Variants in ACTN4 observed in about 807,000 individuals in gnomAD.
ACTN4 encodes alpha-actinin-4.
A neutral mutation model predicts 114.2 loss-of-function variants in ACTN4; 18 were observed. That is an observed-to-expected ratio of 0.16 (90% CI 0.11 to 0.23). The LOEUF (loss-of-function observed/expected upper bound fraction) is 0.23, where lower values mean the gene tolerates loss of function less well. Ranked by LOEUF, ACTN4 falls within the 10% of genes least tolerant of loss-of-function variation. The pLI, the probability that ACTN4 is intolerant of heterozygous loss-of-function variation, is 1.00. For missense variants in ACTN4, 722 were observed against 1,262.9 expected (o/e 0.57, Z 6.49); for synonymous variants, 515 against 506.3 (o/e 1.02, Z -0.23).
At chr19:38,714,413 G>A (rs1051136369) in intron 8 of ACTN4, 56 bp from the exon 9 acceptor site, 111 of 1,554,116 alleles carry the variant, frequency 7.1e-5, no homozygotes, top group South Asian at 2.2e-4. Context: ...GGACGTGCCC[G>A]TCAGGAGGGA....
intron 1 of ACTN4, among the ~76,000 whole-genome samples, chr19:38,666,986 C>A (rs1480290623): frequency 6.6e-6 from 1 of 152,128 alleles, no homozygotes; most frequent in African/African-American, 2.4e-5. Context: ...CCAGGTCTTT[C>A]AAATTGCTAA....
chr19:38,730,465 T>G lies in ACTN4; in HGVS notation c.*1033T>G, dbSNP rs953786374. The G allele has an allele frequency of 4.5e-6, 1 of 223,906 alleles. No individual in the cohort carries two copies. The highest frequency in any genetic ancestry group is 2.3e-5 in the African/African-American group (1 of 43,684). The allele number at this position is 223,906 out of a possible 1,614,324, so 13.9% of individuals were successfully genotyped here. ...TGAGTTTATTCTGATTGATTTTTTTTCTTGGTTTCTGGATAAACCACCCTC... is the reference window on the plus strand; with the variant it reads ...TGAGTTTATTCTGATTGATTTTTTTGCTTGGTTTCTGGATAAACCACCCTC... On this transcript the variant is annotated 3_prime_UTR_variant, in exon 21 of 21. Transcript: ENST00000252699.
intron 3 of ACTN4, among the ~76,000 whole-genome samples, chr19:38,701,892 C>T (rs1968288483): frequency 6.6e-6 from 1 of 152,248 alleles, no homozygotes; most frequent in Non-Finnish European, 1.5e-5. Flanking sequence ...AAACTAATTG[C>T]CGTTAATGAC....
intron 1 of ACTN4, among the ~76,000 whole-genome samples, chr19:38,656,896 G>C (rs1976728738): frequency 6.6e-6 from 1 of 152,196 alleles, no homozygotes; most frequent in Non-Finnish European, 1.5e-5. Flanking sequence ...CACAGTCTAG[G>C]TGGATCAGAG....
Position 38,730,922 on chromosome 19 carries a change from C to T in ACTN4, c.*1490C>T, listed in dbSNP as rs528582318. 6 of 1,550,536 alleles carry T rather than the reference C, an allele frequency of 3.9e-6. No homozygotes were observed. The highest frequency in any genetic ancestry group is 1.7e-4 in the Middle Eastern group (1 of 5,992). ...ACAGTGGCTTGAGGCAGGGAGCTCG[C>T]AGGACAGAGCCTGAGCCACCCTGTC... is the stretch of plus-strand genomic sequence containing the variant. On this transcript the variant is annotated 3_prime_UTR_variant, in exon 21 of 21. Transcript: ENST00000252699.
At chr19:38,703,070 A>G (rs2068480180) in intron 3 of ACTN4, among the ~76,000 whole-genome samples, 1 of 151,934 alleles carries the variant, frequency 6.6e-6, no homozygotes, top group Admixed American at 6.6e-5. Context: ...AGTTGGGAGG[A>G]CTGCCCTAGG....
chr19:38,665,363 T>C lies in ACTN4; in HGVS notation c.162+17456T>C, dbSNP rs149156526. 9.9e-4 allele frequency among the ~76,000 whole-genome samples: 151 copies of C among 152,280 alleles called. 2 individuals carry two copies. The East Asian group carries it at 0.026, about 26-fold the overall frequency. On this transcript the variant is annotated intron_variant, in intron 1 of 20. Coordinates refer to ENST00000252699, the MANE Select transcript of ACTN4 (RefSeq NM_004924.6). ...CATCATCCTATCCTCAGTTTGAGGA[T>C]TAGACGTGATAGTGCGCAGGAAGCA...
At chr19:38,713,172 C>A (rs904061270) in intron 8 of ACTN4, among the ~76,000 whole-genome samples, 3 of 152,210 alleles carry the variant, frequency 2.0e-5, no homozygotes, top group African/African-American at 7.2e-5. Context: ...TGTGCCCATT[C>A]TGTCCTGAGA....
At chr19:38,659,291 C>T (rs1279527951) in intron 1 of ACTN4, among the ~76,000 whole-genome samples, 1 of 151,964 alleles carries the variant, frequency 6.6e-6, no homozygotes, top group Non-Finnish European at 1.5e-5. Flanking sequence ...GAACCCTTGA[C>T]CTCGTAATGC....
At chr19:38,654,164 CAA>C (rs1361962212) in intron 1 of ACTN4, among the ~76,000 whole-genome samples, 6 of 152,142 alleles carry the variant, frequency 3.9e-5, no homozygotes, top group African/African-American at 1.4e-4. Context: ...TTCAATGAAT[CAA>C]AGAGAAACAG....
intron 7 of ACTN4, among the ~76,000 whole-genome samples, 190 bp downstream of exon 7, chr19:38,709,666 C>T (rs1968576139): frequency 6.6e-6 from 1 of 152,218 alleles, no homozygotes; most frequent in South Asian, 2.1e-4. Flanking sequence ...GGAGACAGAG[C>T]AAGGGTAGCC....
At chr19:38,666,424 C>A (rs145551926) in intron 1 of ACTN4, among the ~76,000 whole-genome samples, 209 of 152,272 alleles carry the variant, frequency 1.4e-3, no homozygotes, top group Middle Eastern at 6.8e-3. Flanking sequence ...GAGGCAGGAC[C>A]CTAAGGGAAG....
rs78979577 is a variant in ACTN4, at chr19:38,730,688, G to A, written c.*1256G>A. ...CGCTGTTCTTGTTTCTGAGTGAGGA[G>A]TACGCAGGCCAGAGTGGTCACCCGG... is the stretch of plus-strand genomic sequence containing the variant. On this transcript the variant is annotated 3_prime_UTR_variant, in exon 21 of 21. Transcript: ENST00000252699. 1,313 of 752,552 alleles carry A rather than the reference G, an allele frequency of 1.7e-3. 14 individuals carry two copies. The African/African-American group carries it at 0.019, about 11-fold the overall frequency. 46.6% of individuals were successfully genotyped at this position (752,552 alleles called of 1,614,324 possible).
chr19:38,666,475 C>T (rs893238756), intron 1 of ACTN4, among the ~76,000 whole-genome samples: 17 of 152,330 alleles, frequency 1.1e-4, no homozygotes, highest in African/African-American at 3.8e-4. Flanking sequence ...TGTTGACACC[C>T]TTCTAGCACA....
intron 1 of ACTN4, among the ~76,000 whole-genome samples, chr19:38,697,272 C>T (rs1036880117): frequency 2.6e-5 from 4 of 152,218 alleles, no homozygotes; most frequent in African/African-American, 9.7e-5. Context: ...CAGAGGGTCT[C>T]CTGCCATCCC....
intron 1 of ACTN4, among the ~76,000 whole-genome samples, chr19:38,660,200 G>C (rs1399646294): frequency 6.6e-6 from 1 of 152,160 alleles, no homozygotes; most frequent in Non-Finnish European, 1.5e-5. Context: ...GGGATTACAG[G>C]CATGGGCCAC....
intron 1 of ACTN4, among the ~76,000 whole-genome samples, chr19:38,659,921 C>CTTTTTTTT (rs3033328): frequency 7.6e-6 from 1 of 132,028 alleles, no homozygotes; most frequent in Non-Finnish European, 1.6e-5. Context: ...TCTATATGAT[C>CTTTTTTTT]TTTTTTTTTT....
intron 1 of ACTN4, among the ~76,000 whole-genome samples, chr19:38,687,035 C>T (rs1967768905): frequency 6.7e-6 from 1 of 149,580 alleles, no homozygotes; most frequent in South Asian, 2.2e-4. Context: ...ACAATCTCGG[C>T]TCACTGCAGC....
At chr19:38,667,691 A>G (rs1967005156) in intron 1 of ACTN4, among the ~76,000 whole-genome samples, 2 of 145,250 alleles carry the variant, frequency 1.4e-5, no homozygotes, top group Non-Finnish European at 3.0e-5. Flanking sequence ...AGTCTGATGT[A>G]TCTGTTTCTT....
Sources: gnomAD v4.1 joint callset for allele counts (sites outside exome capture counted in the v4.1 genomes callset) on GRCh38, gnomAD v4.1.1 for gene constraint, MANE v1.5 for transcripts, NCBI Gene and HGNC (gene_info 2026-07-23, HGNC 2026-07-21) for gene names.